Variants in SLC9A2 observed in about 807,000 individuals in gnomAD.
SLC9A2 encodes solute carrier family 9 member A2.
Under a neutral mutation model 71.7 loss-of-function variants are expected in SLC9A2, and 42 were observed. The observed-to-expected ratio is 0.59, with a 90% CI of 0.46 to 0.76. SLC9A2 has a LOEUF of 0.76. Among genes scored for constraint, SLC9A2 ranks in the 30% least tolerant of loss-of-function variants. The pLI is 0.00. For missense variants in SLC9A2, 829 were observed against 1,017.4 expected (o/e 0.81, Z 2.52); for synonymous variants, 396 against 392.5 (o/e 1.01, Z -0.10).
At chr2:102,629,835 A>G (rs1183671080) in intron 1 of SLC9A2, among the ~76,000 whole-genome samples, 1 of 152,098 alleles carries the variant, frequency 6.6e-6, no homozygotes, top group Non-Finnish European at 1.5e-5. Flanking sequence ...TGTGATTTTG[A>G]GTATATAACT....
chr2:102,632,155 C>CACATATATATACATATATATGTATGTAT (rs1558701602), intron 1 of SLC9A2, among the ~76,000 whole-genome samples: 2 of 107,374 alleles, frequency 1.9e-5, no homozygotes, highest in Admixed American at 1.0e-4. Flanking sequence ...TACATATATA[C>CACATATATATACATATATATGTATGTAT]ACATATATAC....
intron 1 of SLC9A2, among the ~76,000 whole-genome samples, chr2:102,647,874 C>T (rs1053668905): frequency 6.6e-6 from 1 of 151,886 alleles, no homozygotes; most frequent in African/African-American, 2.4e-5. Context: ...AAAAAAAGCC[C>T]AGGACCAGTC....
intron 3 of SLC9A2, among the ~76,000 whole-genome samples, chr2:102,674,384 C>T (rs1334917276): frequency 6.6e-6 from 1 of 152,114 alleles, no homozygotes; most frequent in African/African-American, 2.4e-5. Flanking sequence ...GGTATGAACC[C>T]CAGGCCCTCC....
chr2:102,633,702 C>T (rs1166217922), intron 1 of SLC9A2, among the ~76,000 whole-genome samples: 1 of 152,122 alleles, frequency 6.6e-6, no homozygotes, highest in African/African-American at 2.4e-5. Context: ...TCTAGAACTT[C>T]AGAATCTTGG....
rs1300460456 is a variant in SLC9A2 at position 102,694,538 on chromosome 2, A to T, written c.1515+35A>T. The T allele has an allele frequency of 4.6e-6, 5 of 1,096,326 alleles. No individual in the cohort carries two copies. In the East Asian group the frequency reaches 7.4e-5, roughly 16 times the overall value. 67.9% of individuals were successfully genotyped at this position (1,096,326 alleles called of 1,614,324 possible). On this transcript the variant is annotated intron_variant, in intron 6 of 11. Transcript: ENST00000233969. ...AAGAGAGTGTAATAATTTTAATGAT[A>T]AAGGAAAAATATTTGAATCAGTCAA...
intron 2 of SLC9A2, among the ~76,000 whole-genome samples, chr2:102,664,280 A>G (rs1677096163): frequency 6.6e-6 from 1 of 152,120 alleles, no homozygotes; most frequent in African/African-American, 2.4e-5. Context: ...ACTCAAAAAA[A>G]AAAAAAAAGA....
chr2:102,652,808 A>C (rs887285798), intron 1 of SLC9A2, among the ~76,000 whole-genome samples: 6 of 152,170 alleles, frequency 3.9e-5, no homozygotes, highest in African/African-American at 1.4e-4. Flanking sequence ...TATATTTGTC[A>C]ATGACTGATA....
intron 1 of SLC9A2, among the ~76,000 whole-genome samples, chr2:102,656,036 A>G (rs1474587294): frequency 6.6e-6 from 1 of 152,224 alleles, no homozygotes; most frequent in Non-Finnish European, 1.5e-5. Context: ...CGTTGGCAAC[A>G]CCTAAGTTTT....
chr2:102,680,747 G>C (rs983810412), intron 3 of SLC9A2, among the ~76,000 whole-genome samples: 1 of 152,166 alleles, frequency 6.6e-6, no homozygotes, highest in African/African-American at 2.4e-5. Flanking sequence ...AGACTTTGTG[G>C]ATGTGATTAG....
rs930011382 is a variant in SLC9A2, at chr2:102,705,917, G to A, written c.2049G>A (p.Arg683=). Residue 683 remains arginine, a synonymous_variant, in exon 11 of 12, where the codon AGG becomes AGA. Coordinates refer to ENST00000233969, the MANE Select transcript of SLC9A2 (RefSeq NM_003048.6). ...NTKLPEKLQK[R]RTISIADGNS... ...AGCTTCCAGAAAAGCTACAAAAGAG[G>A]AGGACTATTTCTATTGCAGGTAGTG... 1 of 1,601,724 alleles carries A rather than the reference G, an allele frequency of 6.2e-7. No homozygotes were observed. Among genetic ancestry groups the A allele is most frequent in the African/African-American group, 1.3e-5 (1 of 74,376 alleles).
intron 3 of SLC9A2, 52 bp downstream of exon 3, chr2:102,665,402 T>C: frequency 6.5e-7 from 1 of 1,531,700 alleles, no homozygotes; most frequent in Non-Finnish European, 8.9e-7. Context: ...ATTGAATGCA[T>C]GCATTCTCAG....
intron 1 of SLC9A2, among the ~76,000 whole-genome samples, chr2:102,647,711 C>T (rs1478395014): frequency 6.6e-6 from 1 of 152,142 alleles, no homozygotes; most frequent in African/African-American, 2.4e-5. Context: ...ACACTATAAA[C>T]ACCTCTATGC....
chr2:102,687,304 G>A (rs754102458), intron 5 of SLC9A2, among the ~76,000 whole-genome samples: 6 of 152,176 alleles, frequency 3.9e-5, no homozygotes, highest in Middle Eastern at 3.4e-3. Context: ...GTGCACAAGC[G>A]TGCATGCACC....
At chr2:102,624,018 C>T (rs1044331048) in intron 1 of SLC9A2, among the ~76,000 whole-genome samples, 1 of 152,184 alleles carries the variant, frequency 6.6e-6, no homozygotes, top group South Asian at 2.1e-4. Context: ...TTCAGCTTAG[C>T]TCTTAATTGT....
intron 3 of SLC9A2, among the ~76,000 whole-genome samples, chr2:102,681,999 G>A (rs1677460919): frequency 6.6e-6 from 1 of 152,182 alleles, no homozygotes; most frequent in Non-Finnish European, 1.5e-5. Context: ...CTCCGAGTGA[G>A]GAGGACCACA....
chr2:102,692,345 G>A (rs766643144), intron 5 of SLC9A2, among the ~76,000 whole-genome samples: 61 of 152,328 alleles, frequency 4.0e-4, no homozygotes, highest in Non-Finnish European at 6.6e-4. Context: ...GGATGTGTAT[G>A]TGTGTCTCAG....
intron 1 of SLC9A2, among the ~76,000 whole-genome samples, chr2:102,641,771 A>T (rs1676585973): frequency 1.3e-5 from 2 of 151,870 alleles, no homozygotes; most frequent in African/African-American, 4.8e-5. Context: ...CATGATGGTG[A>T]GTGCTTAGAA....
chr2:102,679,249 A>T (rs1175564838), intron 3 of SLC9A2, among the ~76,000 whole-genome samples: 2 of 152,238 alleles, frequency 1.3e-5, no homozygotes, highest in Non-Finnish European at 2.9e-5. Context: ...ACTGAGTTAC[A>T]GCAAGGTGTC....
chr2:102,650,427 T>TAAC (rs1558707437), intron 1 of SLC9A2, among the ~76,000 whole-genome samples: 3 of 152,160 alleles, frequency 2.0e-5, no homozygotes, highest in Non-Finnish European at 4.4e-5. Flanking sequence ...ACCACAATGG[T>TAAC]ACATGTATAC....
Sources: allele counts gnomAD v4.1 joint callset (sites outside exome capture counted in the v4.1 genomes callset), GRCh38; gene constraint gnomAD v4.1.1; transcripts MANE v1.5; gene names NCBI Gene and HGNC (gene_info 2026-07-23, HGNC 2026-07-21).